DSE: variants seen among roughly 807,000 people sequenced by gnomAD.
The protein encoded by DSE is dermatan-sulfate epimerase.
Under a neutral mutation model 84.4 loss-of-function variants are expected in DSE, and 36 were observed. That is an observed-to-expected ratio of 0.43 (90% CI 0.33 to 0.56). The LOEUF (loss-of-function observed/expected upper bound fraction) is 0.56. Among genes scored for constraint, DSE ranks in the 20% least tolerant of loss-of-function variants. The pLI, the probability that DSE is intolerant of heterozygous loss-of-function variation, is 0.06. For synonymous variants in DSE, 410 were observed against 430.1 expected (o/e 0.95, Z 0.58); for missense variants, 862 against 1,169.6 (o/e 0.74, Z 3.84).
intron 2 of DSE, among the ~76,000 whole-genome samples, chr6:116,310,801 C>T (rs1562221511): frequency 6.6e-6 from 1 of 152,216 alleles, no homozygotes; most frequent in Non-Finnish European, 1.5e-5. Context: ...ACAGACAGAG[C>T]AAGCTTTCTA....
At chr6:116,341,250 T>G (rs977682425) in intron 2 of DSE, among the ~76,000 whole-genome samples, 1 of 152,236 alleles carries the variant, frequency 6.6e-6, no homozygotes, top group Non-Finnish European at 1.5e-5. Context: ...TGATGACCAT[T>G]TTTTAATGTG....
At chr6:116,371,629 T>C (rs1366617819) in intron 1 of DSE, among the ~76,000 whole-genome samples, 8 of 152,166 alleles carry the variant, frequency 5.3e-5, no homozygotes, top group Non-Finnish European at 1.0e-4. Flanking sequence ...ACTTTGCGGC[T>C]GCAGAAGCCG....
At chr6:116,319,482 A>C (rs1376145646) in intron 2 of DSE, among the ~76,000 whole-genome samples, 1 of 152,238 alleles carries the variant, frequency 6.6e-6, no homozygotes, top group African/African-American at 2.4e-5. Context: ...CTCTGCTTAC[A>C]TTCCATTGAC....
intron 1 of DSE, among the ~76,000 whole-genome samples, chr6:116,393,244 C>T (rs1562277403): frequency 6.6e-6 from 1 of 152,204 alleles, no homozygotes; most frequent in Non-Finnish European, 1.5e-5. Context: ...GGCAAAACCT[C>T]TAACAAACAC....
chr6:116,328,302 G>A (rs1344228578), intron 2 of DSE, among the ~76,000 whole-genome samples: 1 of 152,140 alleles, frequency 6.6e-6, no homozygotes, highest in Non-Finnish European at 1.5e-5. Context: ...AGTTCTTAGG[G>A]TGTTGGAATT....
rs1233911609 is a variant in DSE at position 116,310,505 on chromosome 6, C to T, written c.-54+51538C>T. Among the ~76,000 whole-genome samples, 6 of 152,248 alleles carry T rather than the reference C, an allele frequency of 3.9e-5. No individual in the cohort carries two copies. In the East Asian group the frequency reaches 1.2e-3, roughly 29 times the overall value. On this transcript the variant is annotated intron_variant, in intron 2 of 3. Coordinates refer to the DSE transcript ENST00000430252. ...TCTTCCCCTGTAACCACTCACTGTA[C>T]TCCTACTCCAGTTTTCCTCATCTTG... is the stretch of plus-strand genomic sequence containing the variant.
Position 116,346,285 on chromosome 6 carries a change from C to A in DSE, c.-53-52913C>A, listed in dbSNP as rs549378135. Among the ~76,000 whole-genome samples the A allele has an allele frequency of 1.7e-3, 255 of 152,288 alleles. 3 individuals are homozygous for A. The highest frequency in any genetic ancestry group is 5.4e-3 in the African/African-American group (224 of 41,560). On this transcript the variant is annotated intron_variant, in intron 2 of 3. Transcript: ENST00000430252. ...CTCATTTTATGAGGCCAGCATCATC[C>A]TGATACCAAAGCCTGGCAGAGGCCC...
intron 1 of DSE, among the ~76,000 whole-genome samples, chr6:116,398,904 A>T (rs1422222611): frequency 6.6e-6 from 1 of 152,232 alleles, no homozygotes; most frequent in Non-Finnish European, 1.5e-5. Flanking sequence ...GCATGATACT[A>T]TGTGAGAAGA....
At chr6:116,278,728 C>T in intron 2 of DSE, 1 of 1,614,008 alleles carries the variant, frequency 6.2e-7, no homozygotes, top group Non-Finnish European at 8.5e-7. Context: ...TTGGTTTCTG[C>T]GAATGAAGGA....
intron 1 of DSE, among the ~76,000 whole-genome samples, chr6:116,383,244 A>C (rs1431303484): frequency 6.6e-6 from 1 of 152,186 alleles, no homozygotes; most frequent in African/African-American, 2.4e-5. Flanking sequence ...TTGAAAAATA[A>C]GTTTACTACA....
chr6:116,265,491 C>T (rs555199497), intron 2 of DSE, among the ~76,000 whole-genome samples: 51 of 152,164 alleles, frequency 3.4e-4, no homozygotes, highest in African/African-American at 1.1e-3. Context: ...CCCATACAGA[C>T]GTGCTAGCAA....
Position 116,278,842 on chromosome 6 carries a change from T to A in DSE, c.-54+19875T>A, listed in dbSNP as rs750966934. On this transcript the variant is annotated intron_variant, in intron 2 of 3. Transcript: ENST00000430252. ...CTTGACAATCAGCTTGTTTCTGAAGTAGGGGTTTCTTCTAAAGAAGAACTT... is the reference window on the plus strand; with the variant it reads ...CTTGACAATCAGCTTGTTTCTGAAGAAGGGGTTTCTTCTAAAGAAGAACTT... The A allele has an allele frequency of 6.2e-6, 10 of 1,614,136 alleles. No homozygotes were observed. In the Admixed American group the frequency reaches 1.7e-4, roughly 27 times the overall value.
chr6:116,293,644 A>C (rs1774445834), intron 2 of DSE, among the ~76,000 whole-genome samples: 1 of 152,150 alleles, frequency 6.6e-6, no homozygotes, highest in Non-Finnish European at 1.5e-5. Flanking sequence ...GCTCACATCT[A>C]TAATCTTAAC....
At chr6:116,343,108 C>T (rs1397381953) in intron 2 of DSE, among the ~76,000 whole-genome samples, 1 of 152,192 alleles carries the variant, frequency 6.6e-6, no homozygotes, top group Admixed American at 6.5e-5. Flanking sequence ...GGGGCGTCTG[C>T]CATTGCTGAG....
At chr6:116,435,445 A>G (rs950500409) in intron 5 of DSE, 142 bp from the exon 6 acceptor site, 22 of 777,062 alleles carry the variant, frequency 2.8e-5, no homozygotes, top group Non-Finnish European at 4.2e-5. Flanking sequence ...TTGTCCTTGG[A>G]TATTTTTAGA....
Position 116,409,040 on chromosome 6 carries a change from G to A in DSE, c.416+9374G>A, listed in dbSNP as rs1782121644. ...CTGTGTGACCTTGAGAATGTTACTT[G>A]ACTTCTCTGTGGCTCAGTTTCCTCA... On this transcript the variant is annotated intron_variant, in intron 2 of 5. Coordinates refer to ENST00000644252, the MANE Select transcript of DSE (RefSeq NM_013352.4). Among the ~76,000 whole-genome samples the A allele has an allele frequency of 2.0e-5, 3 of 152,144 alleles. No individual in the cohort carries two copies. In the South Asian group the frequency reaches 6.2e-4, roughly 31 times the overall value.
In DSE at chr6:116,408,916, G is replaced by A. The variant is rs1583189269; in HGVS notation, c.416+9250G>A. On this transcript the variant is annotated intron_variant, in intron 2 of 5. Coordinates refer to ENST00000644252, the MANE Select transcript of DSE (RefSeq NM_013352.4). ...AGCCACCTGCTTCAGTCTTTGAAATGAATGGCGGTGCTGTTAAGCAAGGGG... is the reference window on the plus strand; with the variant it reads ...AGCCACCTGCTTCAGTCTTTGAAATAAATGGCGGTGCTGTTAAGCAAGGGG... Among the ~76,000 whole-genome samples the A allele has an allele frequency of 2.0e-5, 3 of 152,330 alleles. No individual in the cohort carries two copies. In the East Asian group the frequency reaches 5.8e-4, roughly 29 times the overall value.
At chr6:116,414,748 A>T (rs912153672) in intron 2 of DSE, among the ~76,000 whole-genome samples, 2 of 152,220 alleles carry the variant, frequency 1.3e-5, no homozygotes, top group Non-Finnish European at 2.9e-5. Context: ...GTTATTGACA[A>T]CTGAACTATA....
Position 116,441,119 on chromosome 6 carries a change from G to A in DSE, c.*3774G>A, listed in dbSNP as rs1474888796. 1 of 152,116 alleles carries A rather than the reference G, an allele frequency of 6.6e-6. No individual in the cohort carries two copies. Among genetic ancestry groups the A allele is most frequent in the Admixed American group, 6.5e-5 (1 of 15,274 alleles). The allele number at this position is 152,116 out of a possible 1,614,324, so 9.4% of individuals were successfully genotyped here. On this transcript the variant is annotated 3_prime_UTR_variant, in exon 6 of 6. Coordinates refer to ENST00000644252, the MANE Select transcript of DSE (RefSeq NM_013352.4). ...TGTAATGTCAATGAAGTACTCATAA[G>A]TTTTCAAGAAATGACTGATATAAAT...
Sources: allele counts gnomAD v4.1 joint callset (sites outside exome capture counted in the v4.1 genomes callset), GRCh38; gene constraint gnomAD v4.1.1; transcripts MANE v1.5; gene names NCBI Gene and HGNC (gene_info 2026-07-23, HGNC 2026-07-21).